NBEAL1: variants seen among roughly 807,000 people sequenced by gnomAD.
NBEAL1 encodes the protein neurobeachin-like protein 1.
A neutral mutation model predicts 351.3 loss-of-function variants in NBEAL1; 273 were observed. The ratio of observed to expected loss-of-function variants is 0.78; its 90% CI spans 0.70 to 0.86. NBEAL1 has a LOEUF of 0.86. Ranked by LOEUF, NBEAL1 falls within the 40% of genes least tolerant of loss-of-function variation. The pLI is 0.00. For missense variants in NBEAL1, 2,961 were observed against 3,201.3 expected (o/e 0.92, Z 1.81); for synonymous variants, 1,050 against 1,086.4 (o/e 0.97, Z 0.66).
At chr2:203,188,872 A>C (rs187097876) in intron 45 of NBEAL1, among the ~76,000 whole-genome samples, 1 of 152,378 alleles carries the variant, frequency 6.6e-6, no homozygotes, top group East Asian at 1.9e-4. Context: ...AGTATTAAAC[A>C]GTAGCAGATT....
intron 7 of NBEAL1, among the ~76,000 whole-genome samples, chr2:203,071,555 CACAT>C (rs1208829367): frequency 2.0e-5 from 3 of 152,136 alleles, no homozygotes; most frequent in Admixed American, 2.0e-4. Context: ...ATGTACTTAA[CACAT>C]ACAGAATACA....
chr2:203,110,077 G>C (rs1042342701), intron 14 of NBEAL1, 73 bp from the exon 15 acceptor site: 19 of 1,393,214 alleles, frequency 1.4e-5, no homozygotes, highest in Admixed American at 2.5e-5. Flanking sequence ...TGGCTTTATG[G>C]TTTTATGTAC....
chr2:203,084,494 T>C lies in NBEAL1; in HGVS notation c.1023T>C (p.Asp341=), dbSNP rs1326335209. ...NTITAMLDCT[D]RPVLQAIFLN... The stretch of plus-strand genomic sequence containing the variant: ...TCACAGCCATGTTAGATTGTACAGA[T>C]AGACCTGTTCTTCAGGCCATTTTTC... Residue 341 remains aspartate, a synonymous_variant, in exon 10 of 56, where the codon GAT becomes GAC. Transcript: ENST00000683969. The C allele has an allele frequency of 2.6e-6, 4 of 1,541,732 alleles. No individual in the cohort carries two copies. Among genetic ancestry groups the C allele is most frequent in the African/African-American group, 2.7e-5 (2 of 72,826 alleles).
intron 47 of NBEAL1, among the ~76,000 whole-genome samples, chr2:203,195,057 G>A (rs2065201335): frequency 6.6e-6 from 1 of 151,802 alleles, no homozygotes; most frequent in African/African-American, 2.4e-5. Context: ...AATTAGCAGG[G>A]CATGGTGGTG....
chr2:203,210,932 G>T, intron 53 of NBEAL1, 26 bp from the exon 54 acceptor site: 1 of 1,443,646 alleles, frequency 6.9e-7, no homozygotes, highest in South Asian at 1.4e-5. Flanking sequence ...ATTTGAAATT[G>T]TTGAATTTTC....
chr2:203,209,279 A>G lies in NBEAL1; in HGVS notation c.7742A>G (p.His2581Arg). Reference protein sequence around the residue: ...IPNLAISWEGHIVVYSSTEEK... With the variant: ...IPNLAISWEGRIVVYSSTEEK... ...AATTTGGCTATATCTTGGGAAGGACATATTGTTGTCTACTCCAGCACTGAA... is the reference window on the plus strand; with the variant it reads ...AATTTGGCTATATCTTGGGAAGGACGTATTGTTGTCTACTCCAGCACTGAA... The change falls in exon 53 of 56, where the codon CAT becomes CGT. Residue 2581 changes from histidine (H) to arginine (R), a missense_variant. His to Arg is a conservative substitution (Grantham distance 29). Coordinates refer to ENST00000683969, the MANE Select transcript of NBEAL1 (RefSeq NM_001378026.1). 6.2e-7 allele frequency: 1 copy of G among 1,613,986 alleles called. No homozygotes were observed. The highest frequency in any genetic ancestry group is 8.5e-7 in the Non-Finnish European group (1 of 1,179,894).
intron 11 of NBEAL1, among the ~76,000 whole-genome samples, chr2:203,097,960 A>G (rs2062219425): frequency 6.6e-6 from 1 of 152,134 alleles, no homozygotes; most frequent in African/African-American, 2.4e-5. Flanking sequence ...GCACTGTGGT[A>G]TATTGGGACC....
In NBEAL1 at chr2:203,217,967, A is replaced by G. The variant is rs2065915336; in HGVS notation, c.*613A>G. The G allele has an allele frequency of 1.1e-6, 1 of 919,258 alleles. No individual in the cohort carries two copies. The allele number at this position is 919,258 out of a possible 1,614,324, so 56.9% of individuals were successfully genotyped here. ...CTGAAATCTATTACTGTCCTTAATA[A>G]AAATTGAGTAGAAAAAAGTGGAACT... On this transcript the variant is annotated 3_prime_UTR_variant, in exon 56 of 56. Coordinates refer to ENST00000683969, the MANE Select transcript of NBEAL1 (RefSeq NM_001378026.1).
intron 18 of NBEAL1, among the ~76,000 whole-genome samples, chr2:203,116,609 A>C (rs973671310): frequency 1.4e-5 from 2 of 145,010 alleles, no homozygotes; most frequent in African/African-American, 5.1e-5. Flanking sequence ...CTGTCTCTAT[A>C]AAACTTATGA....
At chr2:203,123,585 T>A (rs1408499660) in intron 19 of NBEAL1, among the ~76,000 whole-genome samples, 1 of 152,102 alleles carries the variant, frequency 6.6e-6, no homozygotes, top group Non-Finnish European at 1.5e-5. Context: ...CCGCCCACCT[T>A]GGCCTCTCAA....
In NBEAL1 at chr2:203,108,025, C is replaced by T; in HGVS notation, c.1786C>T (p.Leu596Phe). The change falls in exon 14 of 56, where the codon CTC becomes TTC. Residue 596 changes from leucine to phenylalanine, a missense_variant. By Grantham distance (22) the Leu-to-Phe change is conservative. Transcript: ENST00000683969. ...CCGAAAACTAAGTCTAGAGAGTGCC[C>T]TCCAGTATTTCAATTTGTCACATAG... ...MARKLSLESALQYFNLSHSMA... is the reference protein window; with the variant it reads ...MARKLSLESAFQYFNLSHSMA... The T allele has an allele frequency of 6.4e-7, 1 of 1,553,972 alleles. No individual in the cohort carries two copies. The highest frequency in any genetic ancestry group is 1.2e-5 in the South Asian group (1 of 84,244).
intron 6 of NBEAL1, among the ~76,000 whole-genome samples, chr2:203,065,219 A>G (rs1474179740): frequency 6.6e-6 from 1 of 152,222 alleles, no homozygotes; most frequent in Middle Eastern, 3.4e-3. Context: ...GGATAGCACC[A>G]TTTCACTCCA....
intron 8 of NBEAL1, among the ~76,000 whole-genome samples, chr2:203,082,843 A>G (rs2061896566): frequency 6.6e-6 from 1 of 152,198 alleles, no homozygotes; most frequent in African/African-American, 2.4e-5. Flanking sequence ...TTATCTCTTC[A>G]TGATATAAAG....
intron 28 of NBEAL1, 33 bp downstream of exon 28, chr2:203,136,285 TATTTTC>T: frequency 7.1e-7 from 1 of 1,401,066 alleles, no homozygotes; most frequent in Non-Finnish European, 9.7e-7. Context: ...ATGTTGTTTT[TATTTTC>T]ATGTCTGATA....
intron 39 of NBEAL1, among the ~76,000 whole-genome samples, chr2:203,171,606 GAAAT>G (rs1188463582): frequency 4.6e-5 from 7 of 150,770 alleles, no homozygotes; most frequent in Non-Finnish European, 5.9e-5. Context: ...CCATTTCTCT[GAAAT>G]AAATAAATAA....
chr2:203,164,536 A>T lies in NBEAL1; in HGVS notation c.5715-1613A>T, dbSNP rs1164853691. ...ATACTTTTTGTCATTTAATATAAATAACCCTCAGACTATTTACTTTTTTAG... is the reference window on the plus strand; with the variant it reads ...ATACTTTTTGTCATTTAATATAAATTACCCTCAGACTATTTACTTTTTTAG... On this transcript the variant is annotated intron_variant, in intron 36 of 55. Transcript: ENST00000683969. Among the ~76,000 whole-genome samples the T allele has an allele frequency of 3.9e-5, 6 of 152,300 alleles. No individual in the cohort carries two copies. In the East Asian group the frequency reaches 1.2e-3, roughly 29 times the overall value.
chr2:203,198,015 CTTTTCTTTTTTT>C (rs2065286921), intron 48 of NBEAL1, among the ~76,000 whole-genome samples: 1 of 131,404 alleles, frequency 7.6e-6, no homozygotes. Context: ...ATTTTTTTTT[CTTTTCTTTTTTT>C]TTTTTTTTTT....
intron 16 of NBEAL1, 76 bp downstream of exon 16, chr2:203,112,174 T>A (rs2062588591): frequency 7.0e-7 from 1 of 1,429,322 alleles, no homozygotes; most frequent in Non-Finnish European, 9.3e-7. Flanking sequence ...AGGTAGAAGG[T>A]TATGTTTATT....
At position 203,057,337 on chromosome 2, in the gene NBEAL1, A is replaced by G. The variant is rs1244248798; in HGVS notation, c.399A>G (p.Lys133=). The change falls in exon 6 of 56, where the codon AAA becomes AAG. Residue 133 remains lysine (K), a synonymous_variant. Transcript: ENST00000683969. ...TTLYIQQLKS[K]KKEKEMADQT... is the part of the protein sequence containing the mutation. ...AACTTTGTTCTCAGTTAAAAAGCAA[A>G]AAAAAAGAGAAGGAAATGGCAGATC... The G allele has an allele frequency of 1.2e-5, 18 of 1,548,956 alleles. No individual in the cohort carries two copies. The highest frequency in any genetic ancestry group is 1.6e-5 in the Non-Finnish European group (18 of 1,145,498).
Sources: allele counts gnomAD v4.1 joint callset (sites outside exome capture counted in the v4.1 genomes callset), GRCh38; gene constraint gnomAD v4.1.1; transcripts MANE v1.5; gene names NCBI Gene and HGNC (gene_info 2026-07-23, HGNC 2026-07-21).